The following GUCY1A2 variants were observed in gnomAD, a reference collection of about 807,000 sequenced individuals.
The protein encoded by GUCY1A2 is guanylate cyclase soluble subunit alpha-2.
In GUCY1A2, 27 loss-of-function variants were observed where a neutral mutation model predicts 63.5. That is an observed-to-expected ratio of 0.43 (90% confidence interval 0.31 to 0.59). The LOEUF (loss-of-function observed/expected upper bound fraction) is 0.59, where lower values mean the gene tolerates loss of function less well. Among genes scored for constraint, GUCY1A2 ranks in the 20% least tolerant of loss-of-function variants. The pLI, the probability that GUCY1A2 is intolerant of heterozygous loss-of-function variation, is 0.11. For missense variants in GUCY1A2, 768 were observed against 913.3 expected (o/e 0.84, Z 2.05); for synonymous variants, 364 against 343.5 (o/e 1.06, Z -0.66).
chr11:106,924,239 T>C (rs766959308), intron 4 of GUCY1A2, among the ~76,000 whole-genome samples: 7 of 152,314 alleles, frequency 4.6e-5, no homozygotes, highest in Non-Finnish European at 1.0e-4. Context: ...CATTTTTTAA[T>C]TCAGCTTATC....
At chr11:106,729,703 G>C (rs1403246223) in intron 6 of GUCY1A2, among the ~76,000 whole-genome samples, 1 of 152,026 alleles carries the variant, frequency 6.6e-6, no homozygotes, top group Non-Finnish European at 1.5e-5. Context: ...TGTCATACTT[G>C]CCAGAGTAAT....
At chr11:106,709,521 T>C (rs1452623318) in intron 6 of GUCY1A2, among the ~76,000 whole-genome samples, 23 of 52,732 alleles carry the variant, frequency 4.4e-4, no homozygotes, top group Middle Eastern at 0.029. Context: ...ATTCTATAAA[T>C]ATAATAATAA....
At chr11:106,819,848 C>T (rs1483215904) in intron 4 of GUCY1A2, among the ~76,000 whole-genome samples, 2 of 152,080 alleles carry the variant, frequency 1.3e-5, no homozygotes, top group Non-Finnish European at 2.9e-5. Flanking sequence ...CATGTTTGAA[C>T]ATGAAGAACA....
At chr11:106,863,277 AGATTT>A (rs1311071916) in intron 4 of GUCY1A2, among the ~76,000 whole-genome samples, 1 of 152,160 alleles carries the variant, frequency 6.6e-6, no homozygotes, top group African/African-American at 2.4e-5. Flanking sequence ...TTTCGGTCTT[AGATTT>A]AAGTCTTTAA....
intron 4 of GUCY1A2, among the ~76,000 whole-genome samples, chr11:106,903,615 T>C (rs1860164048): frequency 6.6e-6 from 1 of 152,184 alleles, no homozygotes; most frequent in African/African-American, 2.4e-5. Flanking sequence ...AATTGCTAGA[T>C]ACTATCCGAA....
chr11:106,965,162 C>G (rs532592949), intron 3 of GUCY1A2, among the ~76,000 whole-genome samples: 1 of 151,524 alleles, frequency 6.6e-6, no homozygotes, highest in Non-Finnish European at 1.5e-5. Flanking sequence ...GAGAAAAATG[C>G]AACATGGTAA....
At chr11:106,837,637 T>A (rs113899860) in intron 4 of GUCY1A2, among the ~76,000 whole-genome samples, 17 of 151,914 alleles carry the variant, frequency 1.1e-4, no homozygotes, top group Non-Finnish European at 1.3e-4. Context: ...CATCTGCAAG[T>A]TTTTTCAAAT....
At chr11:106,946,228 C>A (rs999629743) in intron 3 of GUCY1A2, among the ~76,000 whole-genome samples, 2 of 151,444 alleles carry the variant, frequency 1.3e-5, no homozygotes, top group Non-Finnish European at 2.9e-5. Context: ...AATAAAAAAC[C>A]CATGGGTCTA....
intron 4 of GUCY1A2, among the ~76,000 whole-genome samples, chr11:106,913,399 T>C (rs895952947): frequency 6.6e-6 from 1 of 152,016 alleles, no homozygotes; most frequent in East Asian, 1.9e-4. Context: ...ATGATGAGAA[T>C]AGAAGTGACA....
At chr11:106,740,140 A>ATAT (rs1863666744) in intron 6 of GUCY1A2, among the ~76,000 whole-genome samples, 1 of 151,810 alleles carries the variant, frequency 6.6e-6, no homozygotes, top group Non-Finnish European at 1.5e-5. Context: ...CTCGGATTAC[A>ATAT]GGCACCCACC....
At chr11:106,852,821 TA>T (rs1165836527) in intron 4 of GUCY1A2, among the ~76,000 whole-genome samples, 1 of 152,156 alleles carries the variant, frequency 6.6e-6, no homozygotes. Flanking sequence ...TGGTCTCATA[TA>T]ATGAGTTAGG....
chr11:106,994,437 T>C (rs1861509493), intron 1 of GUCY1A2, among the ~76,000 whole-genome samples: 1 of 152,220 alleles, frequency 6.6e-6, no homozygotes, highest in Non-Finnish European at 1.5e-5. Flanking sequence ...ATTTAGTCTT[T>C]CTTCTGCCTT....
At chr11:106,847,213 T>A (rs564960139) in intron 4 of GUCY1A2, among the ~76,000 whole-genome samples, 143 of 133,106 alleles carry the variant, frequency 1.1e-3, no homozygotes, top group Admixed American at 3.2e-3. Context: ...ACATTTGTTA[T>A]AGTGATATTG....
rs1862456466 is a variant in GUCY1A2, at chr11:106,682,980, A to G, written c.*4569T>C. 1 of 215,880 alleles carries G rather than the reference A, an allele frequency of 4.6e-6. No homozygotes were observed. The highest frequency in any genetic ancestry group is 2.3e-5 in the African/African-American group (1 of 44,352). The allele number at this position is 215,880 out of a possible 1,614,324, so 13.4% of individuals were successfully genotyped here. On this transcript the variant is annotated 3_prime_UTR_variant, in exon 8 of 8. Transcript: ENST00000526355. ...CAGTGTCTGCTCTTCATTCACCACT[A>G]CGAGGATCTTGAAATTGAGTCCATA...
chr11:106,911,861 T>C (rs772480922), intron 4 of GUCY1A2, among the ~76,000 whole-genome samples: 6 of 152,116 alleles, frequency 3.9e-5, no homozygotes, highest in Non-Finnish European at 8.8e-5. Context: ...GGTACATATT[T>C]AGATTATATT....
intron 6 of GUCY1A2, among the ~76,000 whole-genome samples, chr11:106,757,685 C>T (rs1360582675): frequency 1.3e-5 from 2 of 152,180 alleles, no homozygotes; most frequent in African/African-American, 4.8e-5. Flanking sequence ...GCGGAGGCTG[C>T]AGAACAGCAA....
intron 4 of GUCY1A2, among the ~76,000 whole-genome samples, chr11:106,833,415 G>T (rs999596973): frequency 1.3e-5 from 2 of 152,036 alleles, no homozygotes; most frequent in Non-Finnish European, 2.9e-5. Flanking sequence ...TCCACAGAAT[G>T]CATTAAGAAA....
chr11:106,979,623 T>C (rs1464276193), intron 2 of GUCY1A2, among the ~76,000 whole-genome samples: 4 of 152,176 alleles, frequency 2.6e-5, no homozygotes, highest in Non-Finnish European at 2.9e-5. Context: ...AGGTACCTTC[T>C]AGAGTTCTTG....
At chr11:106,866,112 G>A (rs990070961) in intron 4 of GUCY1A2, among the ~76,000 whole-genome samples, 2 of 151,924 alleles carry the variant, frequency 1.3e-5, no homozygotes, top group African/African-American at 4.8e-5. Flanking sequence ...TGTATGTGGT[G>A]CAAAAAGAAC....
Sources: allele counts gnomAD v4.1 joint callset (sites outside exome capture counted in the v4.1 genomes callset), GRCh38; gene constraint gnomAD v4.1.1; transcripts MANE v1.5; gene names NCBI Gene and HGNC (gene_info 2026-07-23, HGNC 2026-07-21).